Variants in LRP1B observed in about 807,000 individuals in gnomAD.
LRP1B encodes LDL receptor related protein 1B, also known as low-density lipoprotein receptor-related protein 1B.
A neutral mutation model predicts 556.6 loss-of-function variants in LRP1B; 217 were observed. That is an observed-to-expected ratio of 0.39 (90% confidence interval 0.35 to 0.44). The LOEUF is 0.44. Ranked by LOEUF, LRP1B falls within the 20% of genes least tolerant of loss-of-function variation. The pLI is 1.00. For missense variants in LRP1B, 5,053 were observed against 5,620.8 expected (o/e 0.90, Z 3.23); for synonymous variants, 2,047 against 1,865.8 (o/e 1.10, Z -2.50).
At chr2:140,785,111 A>T (rs1689849598) in intron 32 of LRP1B, among the ~76,000 whole-genome samples, 1 of 152,142 alleles carries the variant, frequency 6.6e-6, no homozygotes, top group Non-Finnish European at 1.5e-5. Context: ...ATAGCATTGG[A>T]CTTCTCAACT....
At chr2:141,992,989 A>C (rs553255127) in intron 1 of LRP1B, among the ~76,000 whole-genome samples, 1 of 152,170 alleles carries the variant, frequency 6.6e-6, no homozygotes, top group Non-Finnish European at 1.5e-5. Flanking sequence ...AGGCAAATTA[A>C]ATTTGCCTTT....
At chr2:141,553,718 A>AC (rs1269211856) in intron 2 of LRP1B, among the ~76,000 whole-genome samples, 8 of 42,558 alleles carry the variant, frequency 1.9e-4, no homozygotes, top group African/African-American at 3.6e-4. Context: ...CTATATTTTT[A>AC]TATATCTATA....
chr2:140,465,738 A>T (rs1474853445), intron 60 of LRP1B, among the ~76,000 whole-genome samples: 1 of 152,098 alleles, frequency 6.6e-6, no homozygotes, highest in Non-Finnish European at 1.5e-5. Flanking sequence ...AAAAAAAGAA[A>T]AAAACTCCCT....
At chr2:141,949,784 G>A (rs1194016020) in intron 1 of LRP1B, among the ~76,000 whole-genome samples, 8 of 152,072 alleles carry the variant, frequency 5.3e-5, no homozygotes, top group Non-Finnish European at 7.4e-5. Flanking sequence ...CAAACAAATG[G>A]ATATCTCCAT....
intron 83 of LRP1B, among the ~76,000 whole-genome samples, chr2:140,303,413 AT>A (rs1461713563): frequency 6.6e-6 from 1 of 151,276 alleles, no homozygotes; most frequent in Admixed American, 6.6e-5. Flanking sequence ...ATGCCTGGCT[AT>A]TTTTTTGTAT....
At chr2:141,591,359 G>GT (rs1420271008) in intron 2 of LRP1B, among the ~76,000 whole-genome samples, 30 of 63,198 alleles carry the variant, frequency 4.7e-4, no homozygotes, top group South Asian at 3.3e-3. Flanking sequence ...GTTGTTGTTT[G>GT]TTTGTTTTTT....
chr2:140,824,604 T>C (rs540884780), intron 31 of LRP1B, among the ~76,000 whole-genome samples: 5 of 152,256 alleles, frequency 3.3e-5, no homozygotes, highest in Admixed American at 2.6e-4. Context: ...TAGCTAGTCA[T>C]GTACTTACAT....
At chr2:142,095,395 C>T (rs1249094236) in intron 1 of LRP1B, among the ~76,000 whole-genome samples, 4 of 151,694 alleles carry the variant, frequency 2.6e-5, no homozygotes, top group African/African-American at 7.3e-5. Context: ...GTTTATAGTT[C>T]CCTAATAATC....
intron 1 of LRP1B, among the ~76,000 whole-genome samples, chr2:142,120,115 T>TCTTA (rs57762000): frequency 2.6e-5 from 4 of 151,800 alleles, no homozygotes; most frequent in Non-Finnish European, 5.9e-5. Context: ...CTACAGGTTT[T>TCTTA]TTTGTTTGTT....
In LRP1B at chr2:142,113,591, A is replaced by G. The variant is rs557525036; in HGVS notation, c.82+17057T>C. On this transcript the variant is annotated intron_variant, in intron 1 of 90. Transcript: ENST00000389484. Reference sequence around the variant, plus strand: ...ATTTTAAAACAAAAAGAACACAACAATGTTGTGTTCATGGTGAAGCAGCAC... The same window carrying G: ...ATTTTAAAACAAAAAGAACACAACAGTGTTGTGTTCATGGTGAAGCAGCAC... Among the ~76,000 whole-genome samples the G allele has an allele frequency of 2.6e-4, 40 of 152,150 alleles. No homozygotes were observed. In the Middle Eastern group the frequency reaches 0.014, roughly 52 times the overall value.
chr2:141,928,024 T>C (rs1179367311), intron 1 of LRP1B, among the ~76,000 whole-genome samples: 1 of 152,038 alleles, frequency 6.6e-6, no homozygotes, highest in Admixed American at 6.6e-5. Flanking sequence ...TGTCCCTTCC[T>C]GTTTACAGCT....
At chr2:141,287,325 T>A (rs1160288663) in intron 3 of LRP1B, among the ~76,000 whole-genome samples, 2 of 146,840 alleles carry the variant, frequency 1.4e-5, no homozygotes, top group African/African-American at 5.1e-5. Context: ...TTCTTTATTT[T>A]TCTTTTTTTT....
rs2105122033 is a variant in LRP1B at position 140,353,010 on chromosome 2, A to G, written c.11593T>C (p.Tyr3865His). Residue 3865 changes from tyrosine to histidine, a missense_variant, in exon 76 of 91, where the codon TAT (tyrosine) becomes CAT (histidine). Transcript: ENST00000389484. ...SHQCINVEGS[Y>H]KCVCDQNFQE... ...AAATTCTGGTCACACACACATTTAT[A>G]TGATCCTTCCACATTTATACATTGA... The G allele has an allele frequency of 1.9e-6, 3 of 1,613,002 alleles. No homozygotes were observed. The highest frequency in any genetic ancestry group is 2.5e-6 in the Non-Finnish European group (3 of 1,179,378).
At chr2:141,336,275 C>T (rs1390652409) in intron 3 of LRP1B, among the ~76,000 whole-genome samples, 3 of 152,094 alleles carry the variant, frequency 2.0e-5, no homozygotes, top group African/African-American at 7.2e-5. Context: ...ACTGCACCTC[C>T]TAGGCTACAA....
At chr2:140,767,625 T>C (rs1023154877) in intron 35 of LRP1B, among the ~76,000 whole-genome samples, 2 of 151,262 alleles carry the variant, frequency 1.3e-5, no homozygotes, top group Non-Finnish European at 3.0e-5. Context: ...TCAAATTGCT[T>C]ATATTATTTT....
chr2:140,769,194 T>C lies in LRP1B; in HGVS notation c.5758+19A>G, dbSNP rs1689217843. ...AAGTGAATATATTATGCATAAATTA[T>C]GACTAAAAAGCTATTTACCTGCATG... On this transcript the variant is annotated intron_variant, in intron 35 of 90. Transcript: ENST00000389484. 4 of 1,607,620 alleles carry C rather than the reference T, an allele frequency of 2.5e-6. No individual in the cohort carries two copies. The highest frequency in any genetic ancestry group is 1.7e-6 in the Non-Finnish European group (2 of 1,175,610).
intron 2 of LRP1B, among the ~76,000 whole-genome samples, chr2:141,746,721 T>C (rs1210247602): frequency 1.3e-5 from 2 of 152,058 alleles, no homozygotes; most frequent in Non-Finnish European, 2.9e-5. Flanking sequence ...GGATAGGCCA[T>C]CTTGCTCCAC....
chr2:140,949,938 CAAAAAAAAAAAAAAAAA>C (rs67201185), intron 20 of LRP1B, among the ~76,000 whole-genome samples: 1 of 14,280 alleles, frequency 7.0e-5, no homozygotes, highest in Admixed American at 1.0e-3. Flanking sequence ...GACTCCGTCT[CAAAAAAAAAAAAAAAAA>C]AAAAAAAAAG....
intron 87 of LRP1B, among the ~76,000 whole-genome samples, chr2:140,246,172 C>A (rs1177710368): frequency 6.6e-6 from 1 of 151,210 alleles, no homozygotes; most frequent in Non-Finnish European, 1.5e-5. Context: ...AGTCTCTCTC[C>A]TTTTTCACTA....
Sources: allele counts gnomAD v4.1 joint callset (sites outside exome capture counted in the v4.1 genomes callset), GRCh38; gene constraint gnomAD v4.1.1; transcripts MANE v1.5; gene names NCBI Gene and HGNC (gene_info 2026-07-23, HGNC 2026-07-21).